Variants in CYP7B1 observed in about 807,000 individuals in gnomAD.
CYP7B1 encodes the protein cytochrome P450 family 7 subfamily B member 1.
CYP7B1 carries 29 observed loss-of-function variants against 42.7 expected under a neutral mutation model. That is an observed-to-expected ratio of 0.68 (90% CI 0.51 to 0.93). CYP7B1 has a LOEUF of 0.93. Among genes scored for constraint, CYP7B1 ranks in the 40% least tolerant of loss-of-function variants. CYP7B1 has a pLI of 0.00. For synonymous variants in CYP7B1, 235 were observed against 218.2 expected, an observed-to-expected ratio of 1.08 and a Z score of -0.68; for missense variants, 655 against 600.5, an observed-to-expected ratio of 1.09 and a Z score of -0.95.
chr8:64,776,853 A>G (rs1804334660), intron 1 of CYP7B1, among the ~76,000 whole-genome samples: 2 of 152,120 alleles, frequency 1.3e-5, no homozygotes, highest in Non-Finnish European at 2.9e-5. Context: ...CAGAGATGCC[A>G]AGAAGAATCT....
chr8:64,618,965 A>G (rs767812309), intron 2 of CYP7B1, among the ~76,000 whole-genome samples: 1 of 152,030 alleles, frequency 6.6e-6, no homozygotes, highest in Non-Finnish European at 1.5e-5. Context: ...TTTTATTGAG[A>G]TGTGAATTGG....
At chr8:64,619,388 A>G (rs1379473096) in intron 2 of CYP7B1, among the ~76,000 whole-genome samples, 3 of 152,176 alleles carry the variant, frequency 2.0e-5, no homozygotes, top group Non-Finnish European at 4.4e-5. Context: ...TAAAAACAAT[A>G]CCCTTTGCCA....
rs567735329 is a variant in CYP7B1, at chr8:64,722,751, G to C, written c.122+75715C>G. ...AGAATGATTTTTTGCGGCGGGGGGG[G>C]GGGGGCGGGAGGTTTTTTTTTATTA... is the stretch of plus-strand genomic sequence containing the variant. On this transcript the variant is annotated intron_variant, in intron 1 of 5. Transcript: ENST00000310193. Among the ~76,000 whole-genome samples the C allele has an allele frequency of 3.0e-5, 3 of 99,566 alleles. 1 individual carries two copies. Among genetic ancestry groups the C allele is most frequent in the Non-Finnish European group, 5.8e-5 (3 of 51,906 alleles). 65.3% of individuals were successfully genotyped at this position (99,566 alleles called of 152,430 possible).
Position 64,595,715 on chromosome 8 carries a change from T to C in CYP7B1, c.*927A>G, listed in dbSNP as rs1045535417. ...ATGTTGTAATTCAAAATAGAACACA[T>C]GAACTCCAAATCCAAAAGGTGAGAC... On this transcript the variant is annotated 3_prime_UTR_variant, in exon 6 of 6. Coordinates refer to ENST00000310193, the MANE Select transcript of CYP7B1 (RefSeq NM_004820.5). Among the ~76,000 whole-genome samples, 2 of 152,206 alleles carry C rather than the reference T, an allele frequency of 1.3e-5. No homozygotes were observed. The highest frequency in any genetic ancestry group is 4.8e-5 in the African/African-American group (2 of 41,468).
intron 1 of CYP7B1, among the ~76,000 whole-genome samples, chr8:64,682,990 C>T (rs1806562393): frequency 6.6e-6 from 1 of 152,196 alleles, no homozygotes; most frequent in Non-Finnish European, 1.5e-5. Flanking sequence ...ACCTTGACTT[C>T]TTTCTCTCAC....
chr8:64,627,718 C>A (rs1805629511), intron 1 of CYP7B1, among the ~76,000 whole-genome samples: 1 of 152,114 alleles, frequency 6.6e-6, no homozygotes, highest in African/African-American at 2.4e-5. Context: ...ATGAGAGGGT[C>A]ATCATTTCTT....
At chr8:64,773,217 C>T (rs1804264005) in intron 1 of CYP7B1, among the ~76,000 whole-genome samples, 2 of 152,186 alleles carry the variant, frequency 1.3e-5, no homozygotes, top group South Asian at 4.1e-4. Flanking sequence ...AAAACAATGC[C>T]TGGTATATAT....
At chr8:64,673,005 T>C (rs747398896) in intron 1 of CYP7B1, among the ~76,000 whole-genome samples, 3 of 152,110 alleles carry the variant, frequency 2.0e-5, no homozygotes, top group Non-Finnish European at 2.9e-5. Context: ...AGAGTAGTCA[T>C]GTTCAAAGGC....
At chr8:64,772,551 C>T (rs556426558) in intron 1 of CYP7B1, among the ~76,000 whole-genome samples, 10 of 152,266 alleles carry the variant, frequency 6.6e-5, no homozygotes, top group Admixed American at 1.3e-4. Context: ...GACTTGCCAG[C>T]CTCAGTAATC....
At chr8:64,713,548 G>C (rs770591033) in intron 1 of CYP7B1, among the ~76,000 whole-genome samples, 3 of 152,024 alleles carry the variant, frequency 2.0e-5, no homozygotes, top group Non-Finnish European at 2.9e-5. Flanking sequence ...AAAATATTAA[G>C]AGATGAAAAA....
Position 64,661,893 on chromosome 8 carries a change from A to G in CYP7B1, c.123-37354T>C, listed in dbSNP as rs1806203971. On this transcript the variant is annotated intron_variant, in intron 1 of 5. Coordinates refer to ENST00000310193, the MANE Select transcript of CYP7B1 (RefSeq NM_004820.5). ...TAACTATAGCATACTCAATAGAGGA[A>G]AAGGCAAACTGTGGAGGAAAAAATA... Among the ~76,000 whole-genome samples, 5 of 152,342 alleles carry G rather than the reference A, an allele frequency of 3.3e-5. No homozygotes were observed. The South Asian group carries it at 1.0e-3, about 32-fold the overall frequency.
chr8:64,697,841 G>A (rs896436084), intron 1 of CYP7B1, among the ~76,000 whole-genome samples: 1 of 152,192 alleles, frequency 6.6e-6, no homozygotes, highest in African/African-American at 2.4e-5. Context: ...GGACTCTTCA[G>A]AGTCAATACA....
chr8:64,757,286 G>T (rs1807822721), intron 1 of CYP7B1, among the ~76,000 whole-genome samples: 1 of 152,186 alleles, frequency 6.6e-6, no homozygotes, highest in African/African-American at 2.4e-5. Flanking sequence ...ACCAACTACA[G>T]TCATGTGGCT....
At position 64,618,756 on chromosome 8, in the gene CYP7B1, TAATA is replaced by T. The variant is rs1012151832; in HGVS notation, c.260-2479_260-2476del. ...ATGGTTCAAGTTAGCAACCAATTAC[TAATA>T]AATTGTTTTTAAAAATATAAGCAGT... On this transcript the variant is annotated intron_variant, in intron 2 of 5. Transcript: ENST00000310193. Among the ~76,000 whole-genome samples, 174 of 152,288 alleles carry T rather than the reference TAATA, an allele frequency of 1.1e-3. 2 individuals are homozygous for T. Among genetic ancestry groups the T allele is most frequent in the Non-Finnish European group, 5.3e-4 (36 of 67,994 alleles).
At chr8:64,678,116 A>G (rs757985149) in intron 1 of CYP7B1, among the ~76,000 whole-genome samples, 2 of 152,028 alleles carry the variant, frequency 1.3e-5, no homozygotes, top group Non-Finnish European at 2.9e-5. Context: ...TTTATTGTCC[A>G]TTTCACCCCA....
chr8:64,710,521 T>A lies in CYP7B1; in HGVS notation c.123-85982A>T, dbSNP rs534169152. ...TATACCAGGTACCATATTTGACACCTTCTCTCTTAGACTTTTCTTACATCC... is the reference window on the plus strand; with the variant it reads ...TATACCAGGTACCATATTTGACACCATCTCTCTTAGACTTTTCTTACATCC... On this transcript the variant is annotated intron_variant, in intron 1 of 5. Coordinates refer to ENST00000310193, the MANE Select transcript of CYP7B1 (RefSeq NM_004820.5). Among the ~76,000 whole-genome samples the A allele has an allele frequency of 2.2e-4, 33 of 152,328 alleles. 2 individuals carry two copies. In the South Asian group the frequency reaches 4.6e-3, roughly 21 times the overall value.
At chr8:64,742,478 A>T (rs1447591517) in intron 1 of CYP7B1, among the ~76,000 whole-genome samples, 1 of 152,202 alleles carries the variant, frequency 6.6e-6, no homozygotes, top group Non-Finnish European at 1.5e-5. Flanking sequence ...GTAAAATGTT[A>T]TATTAGAATT....
intron 1 of CYP7B1, among the ~76,000 whole-genome samples, chr8:64,639,589 T>TA (rs895412008): frequency 2.0e-5 from 3 of 151,388 alleles, no homozygotes; most frequent in Non-Finnish European, 3.0e-5. Flanking sequence ...GTGGCTAAAA[T>TA]AAAAAAAAGA....
At chr8:64,796,677 G>A (rs984675896) in intron 1 of CYP7B1, among the ~76,000 whole-genome samples, 2 of 152,130 alleles carry the variant, frequency 1.3e-5, no homozygotes, top group Non-Finnish European at 1.5e-5. Flanking sequence ...TATCTATGGT[G>A]TATATTTATA....
Sources: gnomAD v4.1 joint callset for allele counts (sites outside exome capture counted in the v4.1 genomes callset) on GRCh38, gnomAD v4.1.1 for gene constraint, MANE v1.5 for transcripts, NCBI Gene and HGNC (gene_info 2026-07-23, HGNC 2026-07-21) for gene names.